The following EXT2 variants were observed in gnomAD, a reference collection of about 807,000 sequenced individuals.
EXT2 encodes the protein exostosin-2.
A neutral mutation model predicts 81.6 loss-of-function variants in EXT2; 53 were observed. The ratio of observed to expected loss-of-function variants is 0.65; its 90% CI spans 0.52 to 0.82. The LOEUF is 0.82. Ranked by LOEUF, EXT2 falls within the 40% of genes least tolerant of loss-of-function variation. EXT2 has a pLI of 0.00. For missense variants in EXT2, 774 were observed against 910.2 expected (o/e 0.85, Z 1.93); for synonymous variants, 320 against 340.0 (o/e 0.94, Z 0.65).
intron 13 of EXT2, among the ~76,000 whole-genome samples, chr11:44,243,547 C>T (rs905641893): frequency 6.6e-6 from 1 of 151,590 alleles, no homozygotes; most frequent in African/African-American, 2.4e-5. Flanking sequence ...CAGAAATTGC[C>T]ACTTACAGGC....
chr11:44,141,286 A>T (rs1434344768), intron 7 of EXT2, among the ~76,000 whole-genome samples: 1 of 152,220 alleles, frequency 6.6e-6, no homozygotes, highest in African/African-American at 2.4e-5. Flanking sequence ...AGAAAATTTT[A>T]TGTATGTTCA....
chr11:44,175,193 G>A (rs1001608532), intron 8 of EXT2, among the ~76,000 whole-genome samples: 3 of 152,102 alleles, frequency 2.0e-5, no homozygotes. Context: ...CATTTGAGTG[G>A]TATCTGGAAA....
At chr11:44,180,478 C>T (rs925174562) in intron 8 of EXT2, among the ~76,000 whole-genome samples, 11 of 152,110 alleles carry the variant, frequency 7.2e-5, no homozygotes, top group Non-Finnish European at 1.5e-4. Flanking sequence ...TTTCCATGTT[C>T]CTATCACTAA....
rs1283436492 is a variant in EXT2 at position 44,216,285 on chromosome 11, C to G, written c.1662+9326C>G. On this transcript the variant is annotated intron_variant, in intron 10 of 13. Transcript: ENST00000533608. The stretch of plus-strand genomic sequence containing the variant: ...ATAGACCAAGTGACTTCCTGAGATC[C>G]CTTTGGTTGTAATGATTCTAAGCCA... 3.3e-5 allele frequency among the ~76,000 whole-genome samples: 5 copies of G among 152,106 alleles called. No individual in the cohort carries two copies. In the East Asian group the frequency reaches 9.6e-4, roughly 29 times the overall value.
intron 7 of EXT2, among the ~76,000 whole-genome samples, chr11:44,162,857 T>C (rs1954945317): frequency 6.6e-6 from 1 of 152,054 alleles, no homozygotes. Flanking sequence ...AACAGCTTCA[T>C]GAATAAGGAA....
Position 44,183,936 on chromosome 11 carries a change from A to G in EXT2, c.1305+12194A>G, listed in dbSNP as rs1021321531. On this transcript the variant is annotated intron_variant, in intron 8 of 13. Transcript: ENST00000533608. ...TGAGGTCTGATCTTGTCATTTGTCTACTGTCCACTGCTCTTGTTGCATTGT... is the reference window on the plus strand; with the variant it reads ...TGAGGTCTGATCTTGTCATTTGTCTGCTGTCCACTGCTCTTGTTGCATTGT... Among the ~76,000 whole-genome samples, 8 of 152,128 alleles carry G rather than the reference A, an allele frequency of 5.3e-5. No homozygotes were observed. In the East Asian group the frequency reaches 9.6e-4, roughly 18 times the overall value.
intron 10 of EXT2, among the ~76,000 whole-genome samples, chr11:44,228,484 G>A (rs909653480): frequency 6.6e-6 from 1 of 152,130 alleles, no homozygotes; most frequent in Non-Finnish European, 1.5e-5. Context: ...ATACATAATC[G>A]ACTTCGTACT....
chr11:44,244,135 T>C lies in EXT2; in HGVS notation c.2019-14T>C, dbSNP rs141747687. 487 of 1,613,682 alleles carry C rather than the reference T, an allele frequency of 3.0e-4. 4 individuals carry two copies. In the African/African-American group the frequency reaches 5.8e-3, roughly 19 times the overall value. On this transcript the variant is annotated splice_polypyrimidine_tract_variant and intron_variant, in intron 13 of 13. Coordinates refer to ENST00000533608, the MANE Select transcript of EXT2 (RefSeq NM_207122.2). ...TCAAACCCCTCCTCCCCACCTCCTCTCCAAATCCCACAGGTCAGAGTGCAT... is the reference window on the plus strand; with the variant it reads ...TCAAACCCCTCCTCCCCACCTCCTCCCCAAATCCCACAGGTCAGAGTGCAT...
intron 8 of EXT2, among the ~76,000 whole-genome samples, chr11:44,180,335 T>G (rs896372204): frequency 1.3e-5 from 2 of 152,230 alleles, no homozygotes; most frequent in Admixed American, 6.5e-5. Flanking sequence ...TGGTATTTAT[T>G]ATATGCATTA....
At chr11:44,214,124 CTTT>C (rs555767259) in intron 10 of EXT2, among the ~76,000 whole-genome samples, 3 of 133,468 alleles carry the variant, frequency 2.2e-5, no homozygotes, top group Admixed American at 8.4e-5. Context: ...TCTTCTTCTT[CTTT>C]TTTTTTGAGA....
intron 10 of EXT2, among the ~76,000 whole-genome samples, chr11:44,209,993 G>A (rs1532354): frequency 0.91 from 139,282 of 152,294 alleles, 63,785 homozygotes; most frequent in East Asian, 0.99. Flanking sequence ...ACCAACACAC[G>A]TATGAAAGAT....
intron 7 of EXT2, among the ~76,000 whole-genome samples, chr11:44,164,539 C>T (rs1954967469): frequency 6.6e-6 from 1 of 152,170 alleles, no homozygotes; most frequent in Admixed American, 6.5e-5. Flanking sequence ...AAATTAATCA[C>T]ATTTAATTTA....
At chr11:44,139,673 C>T (rs1250697412) in intron 7 of EXT2, among the ~76,000 whole-genome samples, 1 of 152,146 alleles carries the variant, frequency 6.6e-6, no homozygotes, top group Non-Finnish European at 1.5e-5. Flanking sequence ...GCTTCATCTC[C>T]CACATGATTT....
chr11:44,155,572 T>C (rs1954845813), intron 7 of EXT2, among the ~76,000 whole-genome samples: 1 of 152,130 alleles, frequency 6.6e-6, no homozygotes, highest in Non-Finnish European at 1.5e-5. Context: ...TGATGACAAC[T>C]TAACACTGAT....
rs371538607 is a variant in EXT2 at position 44,250,433 on chromosome 11, T to C, written c.*6146T>C. Among the ~76,000 whole-genome samples, 7 of 152,318 alleles carry C rather than the reference T, an allele frequency of 4.6e-5. No homozygotes were observed. Among genetic ancestry groups the C allele is most frequent in the African/African-American group, 1.4e-4 (6 of 41,566 alleles). On this transcript the variant is annotated 3_prime_UTR_variant, in exon 14 of 14. Coordinates refer to ENST00000533608, the MANE Select transcript of EXT2 (RefSeq NM_207122.2). The stretch of plus-strand genomic sequence containing the variant: ...TGGTGAGATGGAATGATGTATCATA[T>C]CTCTTCCCCTTTTATTAACCAGATC...
At chr11:44,161,778 A>G (rs1308766977) in intron 7 of EXT2, among the ~76,000 whole-genome samples, 3 of 152,180 alleles carry the variant, frequency 2.0e-5, no homozygotes, top group African/African-American at 7.2e-5. Context: ...AATAAGTCAT[A>G]TTGGTAGCAT....
Position 44,249,204 on chromosome 11 carries a change from CCT to C in EXT2, c.*4918_*4919del, listed in dbSNP as rs920952115. Among the ~76,000 whole-genome samples, 1 of 152,072 alleles carries C rather than the reference CCT, an allele frequency of 6.6e-6. No homozygotes were observed. Among genetic ancestry groups the C allele is most frequent in the Non-Finnish European group, 1.5e-5 (1 of 68,016 alleles). On this transcript the variant is annotated 3_prime_UTR_variant, in exon 14 of 14. Transcript: ENST00000533608. ...GGAGAGACAGGGCCTCACTATGTTG[CCT>C]AGGCTGGTCTCTAACTCCTGGGATC...
At chr11:44,175,928 C>A (rs2135137803) in intron 8 of EXT2, among the ~76,000 whole-genome samples, 1 of 152,178 alleles carries the variant, frequency 6.6e-6, no homozygotes, top group African/African-American at 2.4e-5. Flanking sequence ...GAGACTAACC[C>A]AATGACTTAT....
chr11:44,166,064 T>A (rs1954989976), intron 7 of EXT2, among the ~76,000 whole-genome samples: 1 of 152,228 alleles, frequency 6.6e-6, no homozygotes, highest in Non-Finnish European at 1.5e-5. Flanking sequence ...GGTAGAACAC[T>A]AACATTTGCA....
Sources: allele counts gnomAD v4.1 joint callset (sites outside exome capture counted in the v4.1 genomes callset), GRCh38; gene constraint gnomAD v4.1.1; transcripts MANE v1.5; gene names NCBI Gene and HGNC (gene_info 2026-07-23, HGNC 2026-07-21).